The following MAGI3 variants were observed in gnomAD, a reference collection of about 807,000 sequenced individuals.
The protein encoded by MAGI3 is membrane-associated guanylate kinase, WW and PDZ domain-containing protein 3.
A neutral mutation model predicts 121.8 loss-of-function variants in MAGI3; 43 were observed. That is an observed-to-expected ratio of 0.35 (90% CI 0.28 to 0.46). The LOEUF (loss-of-function observed/expected upper bound fraction) is 0.46, where lower values mean the gene tolerates loss of function less well. Among genes scored for constraint, MAGI3 ranks in the 20% least tolerant of loss-of-function variants. MAGI3 has a pLI of 1.00. For synonymous variants in MAGI3, 553 were observed against 639.3 expected (o/e 0.86, Z 2.04); for missense variants, 1,547 against 1,797.3 (o/e 0.86, Z 2.52).
intron 1 of MAGI3, among the ~76,000 whole-genome samples, chr1:113,416,766 A>T (rs1460692746): frequency 1.3e-5 from 2 of 151,698 alleles, no homozygotes; most frequent in African/African-American, 4.8e-5. Context: ...TGATATAAAT[A>T]TGGACTTCAG....
intron 8 of MAGI3, among the ~76,000 whole-genome samples, chr1:113,621,343 G>A (rs1650805470): frequency 1.3e-5 from 2 of 152,122 alleles, no homozygotes; most frequent in South Asian, 2.1e-4. Flanking sequence ...GAATGTCAAG[G>A]AAGTTGAAGA....
chr1:113,673,314 CT>C lies in MAGI3; in HGVS notation c.3046-7del. On this transcript the variant is annotated splice_region_variant and splice_polypyrimidine_tract_variant and intron_variant, in intron 18 of 20. Transcript: ENST00000307546. ...GAACTTGCTTTTCTTATACTTCTTT[CT>C]CTCTAGAACCTTGGTTGTTATCCAG... 1 of 1,605,888 alleles carries C rather than the reference CT, an allele frequency of 6.2e-7. No individual in the cohort carries two copies. The highest frequency in any genetic ancestry group is 8.5e-7 in the Non-Finnish European group (1 of 1,178,326).
At chr1:113,543,610 T>C (rs1187767893) in intron 1 of MAGI3, among the ~76,000 whole-genome samples, 1 of 152,114 alleles carries the variant, frequency 6.6e-6, no homozygotes, top group Non-Finnish European at 1.5e-5. Flanking sequence ...ATGCCTGTAA[T>C]CCCAGCCAGC....
chr1:113,503,616 T>C (rs959487888), intron 1 of MAGI3, among the ~76,000 whole-genome samples: 13 of 152,168 alleles, frequency 8.5e-5, no homozygotes, highest in Non-Finnish European at 1.9e-4. Context: ...AGTTGTGTTT[T>C]CTTTATCTTT....
chr1:113,657,456 C>A (rs1653539581), intron 15 of MAGI3, among the ~76,000 whole-genome samples: 1 of 152,222 alleles, frequency 6.6e-6, no homozygotes, highest in South Asian at 2.1e-4. Context: ...CTTTTTACCA[C>A]ATTGCTCGCA....
At chr1:113,554,181 A>G (rs1029390381) in intron 2 of MAGI3, among the ~76,000 whole-genome samples, 20 of 152,340 alleles carry the variant, frequency 1.3e-4, no homozygotes, top group African/African-American at 4.6e-4. Flanking sequence ...ATGACACATG[A>G]TGGCATTACT....
intron 1 of MAGI3, among the ~76,000 whole-genome samples, chr1:113,393,295 G>T (rs529516542): frequency 1.3e-5 from 2 of 152,218 alleles, no homozygotes; most frequent in African/African-American, 4.8e-5. Flanking sequence ...CTATTTTAAA[G>T]ATTTAGCCAA....
chr1:113,494,545 C>CT (rs1370169885), intron 1 of MAGI3, among the ~76,000 whole-genome samples: 1 of 152,160 alleles, frequency 6.6e-6, no homozygotes, highest in Non-Finnish European at 1.5e-5. Context: ...ATTGAAAAAT[C>CT]TTAATCTCTG....
rs1652446438 is a variant in MAGI3 at position 113,416,469 on chromosome 1, T to TTATATATATTTATATAG, written c.316+25121_316+25122insATATATATTTATATAGT. 1.8e-4 allele frequency among the ~76,000 whole-genome samples: 2 copies of TTATATATATTTATATAG among 11,044 alleles called. 1 individual carries two copies. 7.2% of individuals were successfully genotyped at this position (11,044 alleles called of 152,430 possible). On this transcript the variant is annotated intron_variant, in intron 1 of 20. Transcript: ENST00000307546. ...TGATTTATATATTAATTATATATAATTTATAAATATATTAATTATATATAA... is the reference window on the plus strand; with the variant it reads ...TGATTTATATATTAATTATATATAATTATATATATTTATATAGTTATAAATATATTAATTATATATAA...
intron 1 of MAGI3, among the ~76,000 whole-genome samples, chr1:113,415,783 G>A (rs932883243): frequency 1.3e-5 from 2 of 151,868 alleles, no homozygotes; most frequent in African/African-American, 4.8e-5. Flanking sequence ...AGCTTCAAAA[G>A]TTTTAGTATG....
At chr1:113,503,593 G>A (rs926678013) in intron 1 of MAGI3, among the ~76,000 whole-genome samples, 7 of 151,888 alleles carry the variant, frequency 4.6e-5, no homozygotes, top group Admixed American at 1.3e-4. Context: ...ATAACTGTAA[G>A]GTCAGAATTT....
At chr1:113,417,841 G>A (rs1482332233) in intron 1 of MAGI3, among the ~76,000 whole-genome samples, 1 of 152,048 alleles carries the variant, frequency 6.6e-6, no homozygotes, top group African/African-American at 2.4e-5. Context: ...GGCATAGTAG[G>A]TAATAGATAT....
Position 113,659,236 on chromosome 1 carries a change from C to G in MAGI3, c.2786C>G (p.Thr929Ser). The change falls in exon 16 of 21, where the codon ACC (threonine) becomes AGC (serine). Residue 929 changes from threonine to serine, a missense_variant. Physicochemically the swap from Thr to Ser is moderately conservative, Grantham distance 58 (BLOSUM62 1). Coordinates refer to ENST00000307546, the MANE Select transcript of MAGI3 (RefSeq NM_001142782.2). ...IVQLIKDAGV[T>S]VTLTVIAEEE... ...CAGCTGATCAAAGATGCTGGTGTCACCGTCACACTAACGGTCATTGCTGAA... is the reference window on the plus strand; with the variant it reads ...CAGCTGATCAAAGATGCTGGTGTCAGCGTCACACTAACGGTCATTGCTGAA... 6.2e-7 allele frequency: 1 copy of G among 1,613,924 alleles called. No individual in the cohort carries two copies. Among genetic ancestry groups the G allele is most frequent in the South Asian group, 1.1e-5 (1 of 91,048 alleles).
At chr1:113,641,767 G>A in intron 9 of MAGI3, 144 bp from the exon 10 acceptor site, 1 of 640,798 alleles carries the variant, frequency 1.6e-6, no homozygotes, top group Non-Finnish European at 2.5e-6. Flanking sequence ...GAAGGTCTGT[G>A]TTAGAAATCT....
chr1:113,430,283 G>T (rs1006131023), intron 1 of MAGI3, among the ~76,000 whole-genome samples: 2 of 152,128 alleles, frequency 1.3e-5, no homozygotes, highest in African/African-American at 4.8e-5. Flanking sequence ...TTAGCACAAG[G>T]CCTGGCACAT....
intron 1 of MAGI3, among the ~76,000 whole-genome samples, chr1:113,532,260 G>T (rs1365496679): frequency 1.3e-5 from 2 of 151,934 alleles, no homozygotes; most frequent in East Asian, 1.9e-4. Flanking sequence ...TTGTATTGCA[G>T]TTATTAAACT....
chr1:113,437,545 C>G (rs546122897), intron 1 of MAGI3, among the ~76,000 whole-genome samples: 1 of 152,026 alleles, frequency 6.6e-6, no homozygotes, highest in South Asian at 2.1e-4. Flanking sequence ...ATTTTTCATT[C>G]AGTTATTTAG....
chr1:113,632,941 T>C (rs1570968994), intron 9 of MAGI3, among the ~76,000 whole-genome samples: 1 of 151,778 alleles, frequency 6.6e-6, no homozygotes, highest in Non-Finnish European at 1.5e-5. Flanking sequence ...TTAGAGTACA[T>C]GTACACAATG....
At chr1:113,566,293 G>A (rs1245420135) in intron 2 of MAGI3, among the ~76,000 whole-genome samples, 14 of 152,018 alleles carry the variant, frequency 9.2e-5, no homozygotes, top group Admixed American at 8.5e-4. Flanking sequence ...TAAGTTAATA[G>A]CAGCTTTATT....
Sources: gnomAD v4.1 joint callset for allele counts (sites outside exome capture counted in the v4.1 genomes callset) on GRCh38, gnomAD v4.1.1 for gene constraint, MANE v1.5 for transcripts, NCBI Gene and HGNC (gene_info 2026-07-23, HGNC 2026-07-21) for gene names.